DLG2: variants seen among roughly 807,000 people sequenced by gnomAD.
DLG2 encodes discs large MAGUK scaffold protein 2.
In DLG2, 45 loss-of-function variants were observed where a neutral mutation model predicts 132.5. The ratio of observed to expected loss-of-function variants is 0.34; its 90% CI spans 0.27 to 0.44. The LOEUF (loss-of-function observed/expected upper bound fraction) is 0.44, where lower values mean the gene tolerates loss of function less well. Ranked by LOEUF, DLG2 falls within the 20% of genes least tolerant of loss-of-function variation. The pLI is 1.00. For synonymous variants in DLG2, 424 were observed against 419.6 expected (o/e 1.01, Z -0.13); for missense variants, 1,045 against 1,196.9 (o/e 0.87, Z 1.87).
At chr11:84,971,944 T>C (rs1488611804) in intron 6 of DLG2, among the ~76,000 whole-genome samples, 1 of 152,186 alleles carries the variant, frequency 6.6e-6, no homozygotes, top group Non-Finnish European at 1.5e-5. Context: ...TTTATATTTC[T>C]AAGGCACTTT....
intron 16 of DLG2, among the ~76,000 whole-genome samples, chr11:83,844,336 G>C (rs2058194591): frequency 1.3e-5 from 2 of 150,508 alleles, no homozygotes; most frequent in South Asian, 4.2e-4. Flanking sequence ...CTAGAGGCCA[G>C]AAGTTCCAGA....
rs2089413906 is a variant in DLG2 at position 83,458,989 on chromosome 11, A to C, written c.*829T>G. 6.6e-6 allele frequency: 1 copy of C among 152,298 alleles called. No individual in the cohort carries two copies. Among genetic ancestry groups the C allele is most frequent in the South Asian group, 2.1e-4 (1 of 4,832 alleles). 9.4% of individuals were successfully genotyped at this position (152,298 alleles called of 1,614,324 possible). ...GGAGAGTGCAACTTTCAGGTCTTGA[A>C]TTTGATCATCTGCTGATGTTGCATA... On this transcript the variant is annotated 3_prime_UTR_variant, in exon 28 of 28. Transcript: ENST00000376104.
intron 6 of DLG2, among the ~76,000 whole-genome samples, chr11:84,902,222 T>C (rs559006818): frequency 1.3e-5 from 2 of 152,232 alleles, no homozygotes; most frequent in South Asian, 4.1e-4. Flanking sequence ...TTACTACAAA[T>C]TCCCAGATGG....
Position 85,156,321 on chromosome 11 carries a change from C to T in DLG2, c.187-1670G>A, listed in dbSNP as rs1353177428. Among the ~76,000 whole-genome samples, 6 of 152,096 alleles carry T rather than the reference C, an allele frequency of 3.9e-5. No homozygotes were observed. The South Asian group carries it at 1.0e-3, about 26-fold the overall frequency. On this transcript the variant is annotated intron_variant, in intron 4 of 27. Coordinates refer to ENST00000376104, the MANE Select transcript of DLG2 (RefSeq NM_001142699.3). ...TGTCCCATTAGAGTATCTTGTAAGA[C>T]AAGCAGGATATCTTACTGTTTTTCA...
intron 6 of DLG2, among the ~76,000 whole-genome samples, chr11:84,872,062 T>C (rs2085553393): frequency 6.6e-6 from 1 of 152,220 alleles, no homozygotes; most frequent in Non-Finnish European, 1.5e-5. Flanking sequence ...CTAATTCCTC[T>C]GAAGGTACAT....
intron 17 of DLG2, among the ~76,000 whole-genome samples, chr11:83,827,344 C>T (rs758025146): frequency 1.1e-4 from 17 of 152,078 alleles, no homozygotes; most frequent in Non-Finnish European, 2.2e-4. Flanking sequence ...AAAATAGAGT[C>T]CTGGCAAATC....
At chr11:84,385,794 G>A (rs1357833167) in intron 7 of DLG2, among the ~76,000 whole-genome samples, 2 of 152,088 alleles carry the variant, frequency 1.3e-5, no homozygotes, top group Non-Finnish European at 2.9e-5. Context: ...AATAGTAATT[G>A]CTCGATAAAT....
At chr11:83,522,519 C>A (rs559083395) in intron 21 of DLG2, among the ~76,000 whole-genome samples, 3 of 118,672 alleles carry the variant, frequency 2.5e-5, no homozygotes, top group African/African-American at 8.5e-5. Context: ...TCTGCATTCA[C>A]AACCTATAGA....
intron 11 of DLG2, among the ~76,000 whole-genome samples, chr11:84,007,269 A>G (rs2094615564): frequency 6.6e-6 from 1 of 151,762 alleles, no homozygotes; most frequent in Non-Finnish European, 1.5e-5. Flanking sequence ...TATTTATTGT[A>G]TGGTTTCAGA....
chr11:85,356,620 G>A (rs1266591333), intron 3 of DLG2, among the ~76,000 whole-genome samples: 1 of 152,174 alleles, frequency 6.6e-6, no homozygotes, highest in Non-Finnish European at 1.5e-5. Context: ...CCTTGAGCAT[G>A]TACTAGTCCA....
chr11:85,263,561 T>C (rs1472070671), intron 4 of DLG2, among the ~76,000 whole-genome samples: 1 of 152,230 alleles, frequency 6.6e-6, no homozygotes, highest in Non-Finnish European at 1.5e-5. Flanking sequence ...GGAATGGCCC[T>C]GGCCAGTTGC....
intron 6 of DLG2, among the ~76,000 whole-genome samples, chr11:85,087,867 A>AAAAAG (rs2068189704): frequency 6.7e-6 from 1 of 149,306 alleles, no homozygotes; most frequent in Admixed American, 6.7e-5. Flanking sequence ...AAAAAAAAAA[A>AAAAAG]AACAGATCAT....
chr11:83,633,125 A>T, intron 19 of DLG2, 86 bp downstream of exon 19: 1 of 1,204,636 alleles, frequency 8.3e-7, no homozygotes, highest in Non-Finnish European at 1.2e-6. Flanking sequence ...AGTGGGACAC[A>T]TGTTCTGTTG....
At chr11:84,292,780 G>C in intron 7 of DLG2, among the ~76,000 whole-genome samples, 1 of 152,122 alleles carries the variant, frequency 6.6e-6, no homozygotes, top group East Asian at 1.9e-4. Context: ...TACTTCAGAA[G>C]TGGGAAGGGA....
chr11:83,743,309 T>C (rs1323841488), intron 18 of DLG2, among the ~76,000 whole-genome samples: 1 of 152,122 alleles, frequency 6.6e-6, no homozygotes, highest in African/African-American at 2.4e-5. Context: ...CCTGTCAGTT[T>C]TACTGCAGAA....
chr11:84,438,721 G>T lies in DLG2; in HGVS notation c.519+95849C>A, dbSNP rs186241265. ...AACTGTTTCTTCCAATGAGAGATAA[G>T]GTTTTAGCCCTTTGCCAGTCCTACC... On this transcript the variant is annotated intron_variant, in intron 7 of 27. Transcript: ENST00000376104. Among the ~76,000 whole-genome samples the T allele has an allele frequency of 2.8e-3, 434 of 152,284 alleles. 2 individuals are homozygous for T. The highest frequency in any genetic ancestry group is 9.3e-3 in the African/African-American group (385 of 41,560).
intron 9 of DLG2, 134 bp from the exon 10 acceptor site, chr11:84,099,181 T>G: frequency 1.3e-6 from 1 of 749,092 alleles, no homozygotes; most frequent in Non-Finnish European, 2.1e-6. Context: ...AATCATAAAG[T>G]GCACAGTTAG....
intron 8 of DLG2, among the ~76,000 whole-genome samples, chr11:84,231,237 G>A (rs1236894963): frequency 1.3e-5 from 2 of 152,188 alleles, no homozygotes; most frequent in African/African-American, 2.4e-5. Flanking sequence ...TAGCAAAAGG[G>A]AGCCTCAAGC....
intron 25 of DLG2, 84 bp from the exon 26 acceptor site, chr11:83,466,901 T>A: frequency 7.7e-6 from 7 of 910,548 alleles, no homozygotes; most frequent in Non-Finnish European, 1.2e-5. Flanking sequence ...TATGTAGGTT[T>A]TAGAGGAAGG....
Sources: gnomAD v4.1 joint callset for allele counts (sites outside exome capture counted in the v4.1 genomes callset) on GRCh38, gnomAD v4.1.1 for gene constraint, MANE v1.5 for transcripts, NCBI Gene and HGNC (gene_info 2026-07-23, HGNC 2026-07-21) for gene names.